The following UTP20 variants were observed in gnomAD, a reference collection of about 807,000 sequenced individuals.
UTP20 encodes the protein UTP20 small subunit processome component.
In UTP20, 164 loss-of-function variants were observed where a neutral mutation model predicts 329.5. The ratio of observed to expected loss-of-function variants is 0.50; its 90% CI spans 0.44 to 0.57. UTP20 has a LOEUF of 0.57. Among genes scored for constraint, UTP20 ranks in the 20% least tolerant of loss-of-function variants. The pLI is 0.00. For synonymous variants in UTP20, 1,151 were observed against 1,159.3 expected, an observed-to-expected ratio of 0.99 and a Z score of 0.14; for missense variants, 3,055 against 3,284.2, an observed-to-expected ratio of 0.93 and a Z score of 1.71.
chr12:101,329,214 G>T, intron 26 of UTP20, 27 bp from the exon 27 acceptor site: 2 of 1,587,438 alleles, frequency 1.3e-6, no homozygotes, highest in South Asian at 2.2e-5. Flanking sequence ...TACCTTACAT[G>T]ACCTCTCGTC....
chr12:101,319,709 T>C (rs1873087945), intron 23 of UTP20, 74 bp downstream of exon 23: 2 of 1,287,338 alleles, frequency 1.6e-6, no homozygotes, highest in Non-Finnish European at 2.1e-6. Context: ...CAGAGTAGCT[T>C]AGATTTTCAA....
intron 43 of UTP20, among the ~76,000 whole-genome samples, chr12:101,357,587 C>T (rs1414394785): frequency 6.6e-6 from 1 of 152,114 alleles, no homozygotes; most frequent in African/African-American, 2.4e-5. Context: ...CTTTTCCCTA[C>T]AAAAACTAAT....
intron 27 of UTP20, among the ~76,000 whole-genome samples, chr12:101,332,328 GC>G (rs1382097728): frequency 6.6e-6 from 1 of 152,046 alleles, no homozygotes; most frequent in Non-Finnish European, 1.5e-5. Context: ...CAAGAGCGAA[GC>G]TCCATCTCAA....
At position 101,281,376 on chromosome 12, in the gene UTP20, G is replaced by A. The variant is rs140874088; in HGVS notation, c.126+180G>A. Among the ~76,000 whole-genome samples the A allele has an allele frequency of 1.6e-3, 245 of 152,298 alleles. 2 individuals are homozygous for A. The highest frequency in any genetic ancestry group is 5.7e-3 in the African/African-American group (238 of 41,542). ...GATTTAAAGTAAATTAAAAATTTGGGTGCCCAAATGTGGCTAGTTGCTAAC... is the reference window on the plus strand; with the variant it reads ...GATTTAAAGTAAATTAAAAATTTGGATGCCCAAATGTGGCTAGTTGCTAAC... On this transcript the variant is annotated intron_variant, in intron 2 of 61. Coordinates refer to ENST00000261637, the MANE Select transcript of UTP20 (RefSeq NM_014503.3).
chr12:101,361,581 G>T (rs1179592767), intron 43 of UTP20, among the ~76,000 whole-genome samples: 1 of 151,776 alleles, frequency 6.6e-6, no homozygotes, highest in African/African-American at 2.4e-5. Context: ...AGCCAAGATC[G>T]CACCATTGCA....
At chr12:101,362,526 A>ATTTGTAATTT (rs1555202275) in intron 44 of UTP20, among the ~76,000 whole-genome samples, 1 of 137,548 alleles carries the variant, frequency 7.3e-6, no homozygotes, top group Admixed American at 6.8e-5. Context: ...CAACATGGTG[A>ATTTGTAATTT]AACCCCGTCT....
At chr12:101,327,468 C>A (rs748216519) in intron 26 of UTP20, among the ~76,000 whole-genome samples, 5 of 152,120 alleles carry the variant, frequency 3.3e-5, no homozygotes, top group African/African-American at 9.7e-5. Context: ...TGTGTTAGAG[C>A]CCCTGATGAG....
At chr12:101,313,260 C>T (rs190603082) in intron 21 of UTP20, among the ~76,000 whole-genome samples, 5 of 152,268 alleles carry the variant, frequency 3.3e-5, no homozygotes, top group Non-Finnish European at 4.4e-5. Context: ...AGGCCATAAA[C>T]CACAACATGC....
At chr12:101,383,766 C>T in intron 60 of UTP20, 97 bp downstream of exon 60, 1 of 958,356 alleles carries the variant, frequency 1.0e-6, no homozygotes, top group Non-Finnish European at 1.4e-6. Context: ...TCCCTCCCTG[C>T]CTGAGATTTA....
chr12:101,296,039 T>C (rs1162871248), intron 12 of UTP20, among the ~76,000 whole-genome samples: 2 of 152,240 alleles, frequency 1.3e-5, no homozygotes, highest in Admixed American at 6.5e-5. Flanking sequence ...TCACTCAGAT[T>C]ACTCCATTGG....
intron 7 of UTP20, 64 bp from the exon 8 acceptor site, chr12:101,290,669 C>T (rs1000905956): frequency 6.6e-7 from 1 of 1,509,628 alleles, no homozygotes; most frequent in African/African-American, 1.4e-5. Context: ...AGAGTGGTGA[C>T]TCCCAGAGCA....
intron 18 of UTP20, among the ~76,000 whole-genome samples, chr12:101,308,993 A>C (rs1216585307): frequency 6.6e-6 from 1 of 151,770 alleles, no homozygotes; most frequent in Non-Finnish European, 1.5e-5. Context: ...TCGGCGTCCC[A>C]AAGTGCTGGG....
chr12:101,366,652 G>T lies in UTP20; in HGVS notation c.6220G>T (p.Val2074Leu). The change falls in exon 47 of 62, where the codon GTG becomes TTG. Residue 2074 changes from valine (V) to leucine (L), a missense_variant. By Grantham distance (32) the Val-to-Leu change is conservative. Transcript: ENST00000261637. Reference sequence around the variant, plus strand: ...AGTTCGAGGTGGACAGAAAGCTGTTGTGAGCAGGAAAACCAACATGCACAT... The same window carrying T: ...AGTTCGAGGTGGACAGAAAGCTGTTTTGAGCAGGAAAACCAACATGCACAT... ...TPVRGGQKAV[V>L]SRKTNMHIFI... 1 of 1,614,124 alleles carries T rather than the reference G, an allele frequency of 6.2e-7. No homozygotes were observed. Among genetic ancestry groups the T allele is most frequent in the Admixed American group, 1.7e-5 (1 of 60,016 alleles).
At chr12:101,343,323 C>T (rs1196416812) in intron 35 of UTP20, among the ~76,000 whole-genome samples, 2 of 151,840 alleles carry the variant, frequency 1.3e-5, no homozygotes, top group Non-Finnish European at 2.9e-5. Context: ...TGAAAAAAAT[C>T]AAGAAGTTAT....
intron 38 of UTP20, among the ~76,000 whole-genome samples, chr12:101,347,182 A>C (rs1007912379): frequency 6.6e-6 from 1 of 152,214 alleles, no homozygotes; most frequent in East Asian, 1.9e-4. Flanking sequence ...AGTGCCTAGA[A>C]TGGTGCCTGG....
rs1057295152 is a variant in UTP20 at position 101,308,036 on chromosome 12, T to C, written c.1996-149T>C. On this transcript the variant is annotated intron_variant, in intron 17 of 61. Transcript: ENST00000261637. Reference sequence around the variant, plus strand: ...AAATGGTATGGGGAGAAAAGAATCATTTACCAAAAAAAAAAGTGTTACTTA... The same window carrying C: ...AAATGGTATGGGGAGAAAAGAATCACTTACCAAAAAAAAAAGTGTTACTTA... 1.0e-5 allele frequency: 7 copies of C among 674,644 alleles called. No homozygotes were observed. The African/African-American group carries it at 1.1e-4, about 11-fold the overall frequency. The allele number at this position is 674,644 out of a possible 1,614,324, so 41.8% of individuals were successfully genotyped here. A position where few individuals can be genotyped will look rare whatever the true frequency, so the allele number is the denominator to read the frequency against.
In UTP20 at chr12:101,353,006, A is replaced by G. The variant is rs779224249; in HGVS notation, c.5025-41A>G. On this transcript the variant is annotated intron_variant, in intron 39 of 61. Transcript: ENST00000261637. Reference sequence around the variant, plus strand: ...CTCCTTTTATAATCCAGTGATATTAATAATCAAATGAACATTTCTGTATAC... The same window carrying G: ...CTCCTTTTATAATCCAGTGATATTAGTAATCAAATGAACATTTCTGTATAC... The G allele has an allele frequency of 9.5e-6, 12 of 1,267,572 alleles. No homozygotes were observed. In the East Asian group the frequency reaches 1.7e-4, roughly 18 times the overall value. The allele number at this position is 1,267,572 out of a possible 1,614,324, so 78.5% of individuals were successfully genotyped here. A position where few individuals can be genotyped will look rare whatever the true frequency, so the allele number is the denominator to read the frequency against.
chr12:101,328,974 G>T (rs912107733), intron 26 of UTP20, among the ~76,000 whole-genome samples: 2 of 151,896 alleles, frequency 1.3e-5, no homozygotes, highest in Non-Finnish European at 2.9e-5. Context: ...TAGAGACTTA[G>T]TTCTGTCGCA....
Position 101,356,628 on chromosome 12 carries a change from A to G in UTP20, c.5469A>G (p.Leu1823=). The G allele has an allele frequency of 6.2e-7, 1 of 1,614,120 alleles. No homozygotes were observed. The highest frequency in any genetic ancestry group is 8.5e-7 in the Non-Finnish European group (1 of 1,179,980). ...ATGAGGAAGTCGTTCGAGTTCCATT[A>G]GCTTTTGCCATGGTTAAACTAATGC... is the stretch of plus-strand genomic sequence containing the variant. ...VNDEEVVRVP[L]AFAMVKLMQS... Residue 1823 remains leucine, a synonymous_variant, in exon 42 of 62, where the codon TTA becomes TTG. Coordinates refer to ENST00000261637, the MANE Select transcript of UTP20 (RefSeq NM_014503.3).
Sources: allele counts gnomAD v4.1 joint callset (sites outside exome capture counted in the v4.1 genomes callset), GRCh38; gene constraint gnomAD v4.1.1; transcripts MANE v1.5; gene names NCBI Gene and HGNC (gene_info 2026-07-23, HGNC 2026-07-21).